PTPRD: variants seen among roughly 807,000 people sequenced by gnomAD.
The protein encoded by PTPRD is receptor-type tyrosine-protein phosphatase delta.
PTPRD carries 34 observed loss-of-function variants against 214.5 expected under a neutral mutation model. The observed-to-expected ratio is 0.16, with a 90% CI of 0.12 to 0.21. The LOEUF (loss-of-function observed/expected upper bound fraction) is 0.21, where lower values mean the gene tolerates loss of function less well. Among genes scored for constraint, PTPRD ranks in the 10% least tolerant of loss-of-function variants. PTPRD has a pLI of 1.00. For synonymous variants in PTPRD, 1,128 were observed against 845.7 expected (o/e 1.33, Z -5.79); for missense variants, 2,545 against 2,398.7 (o/e 1.06, Z -1.27).
chr9:9,003,319 C>T (rs980871914), intron 11 of PTPRD, among the ~76,000 whole-genome samples: 8 of 151,970 alleles, frequency 5.3e-5, no homozygotes, highest in Non-Finnish European at 1.0e-4. Context: ...AAATCCCTAA[C>T]GCTCTGAATA....
chr9:10,345,886 A>G (rs2097069253), intron 2 of PTPRD, among the ~76,000 whole-genome samples: 1 of 152,188 alleles, frequency 6.6e-6, no homozygotes, highest in Non-Finnish European at 1.5e-5. Context: ...CCAACAGTGT[A>G]AAAGCATTCC....
intron 8 of PTPRD, among the ~76,000 whole-genome samples, chr9:9,556,397 C>A (rs892598892): frequency 2.8e-4 from 42 of 151,958 alleles, no homozygotes; most frequent in African/African-American, 1.0e-3. Flanking sequence ...TTTGGTGTAA[C>A]ATTTATTGAA....
At chr9:10,462,348 ACTAT>A (rs2098965222) in intron 2 of PTPRD, among the ~76,000 whole-genome samples, 1 of 152,098 alleles carries the variant, frequency 6.6e-6, no homozygotes, top group South Asian at 2.1e-4. Flanking sequence ...AAATGAGTCT[ACTAT>A]CTATCTCAGT....
At chr9:10,430,548 G>A (rs762541332) in intron 2 of PTPRD, among the ~76,000 whole-genome samples, 3 of 151,826 alleles carry the variant, frequency 2.0e-5, no homozygotes, top group Non-Finnish European at 4.4e-5. Flanking sequence ...GTAAAATTAG[G>A]ACATTCAACA....
chr9:10,009,560 T>A (rs897178044), intron 4 of PTPRD, among the ~76,000 whole-genome samples: 1 of 151,882 alleles, frequency 6.6e-6, no homozygotes, highest in Non-Finnish European at 1.5e-5. Flanking sequence ...AGACCAAGGT[T>A]CTCATTATGT....
At chr9:8,542,360 G>T (rs576065045) in intron 14 of PTPRD, among the ~76,000 whole-genome samples, 1 of 152,288 alleles carries the variant, frequency 6.6e-6, no homozygotes, top group Non-Finnish European at 1.5e-5. Flanking sequence ...GGATAGTACC[G>T]AGATAGCCCT....
At chr9:10,508,511 G>A (rs2046848769) in intron 2 of PTPRD, among the ~76,000 whole-genome samples, 1 of 152,208 alleles carries the variant, frequency 6.6e-6, no homozygotes, top group South Asian at 2.1e-4. Flanking sequence ...GTTTATTGTG[G>A]CACTATTCAC....
chr9:8,653,018 A>C (rs1362004775), intron 12 of PTPRD, among the ~76,000 whole-genome samples: 1 of 152,172 alleles, frequency 6.6e-6, no homozygotes, highest in Non-Finnish European at 1.5e-5. Flanking sequence ...CACTAATTTA[A>C]TGAAAGGAAA....
At chr9:8,534,511 T>C (rs1564136713) in intron 14 of PTPRD, among the ~76,000 whole-genome samples, 1 of 151,872 alleles carries the variant, frequency 6.6e-6, no homozygotes, top group Non-Finnish European at 1.5e-5. Context: ...ACAAGAGTGA[T>C]TTCTTTTCTT....
At chr9:8,877,297 C>T (rs2098402476) in intron 11 of PTPRD, among the ~76,000 whole-genome samples, 1 of 152,146 alleles carries the variant, frequency 6.6e-6, no homozygotes, top group Admixed American at 6.5e-5. Flanking sequence ...ATTCCAAAAA[C>T]TCCAACATGA....
chr9:8,542,306 GA>G, intron 14 of PTPRD, among the ~76,000 whole-genome samples: 1 of 152,012 alleles, frequency 6.6e-6, no homozygotes, highest in East Asian at 1.9e-4. Context: ...ATGCATTGGG[GA>G]AAAGCAAAAA....
chr9:9,542,484 C>G (rs2077826171), intron 8 of PTPRD, among the ~76,000 whole-genome samples: 1 of 151,380 alleles, frequency 6.6e-6, no homozygotes, highest in Non-Finnish European at 1.5e-5. Flanking sequence ...ATTAACAATG[C>G]CAAATCATCA....
intron 2 of PTPRD, among the ~76,000 whole-genome samples, chr9:10,546,662 T>C (rs995673449): frequency 6.6e-6 from 1 of 152,056 alleles, no homozygotes; most frequent in Non-Finnish European, 1.5e-5. Context: ...TCCATTTTTA[T>C]TGAATGTTGC....
intron 8 of PTPRD, among the ~76,000 whole-genome samples, chr9:9,546,639 C>A (rs1591293113): frequency 6.6e-6 from 1 of 151,686 alleles, no homozygotes; most frequent in Middle Eastern, 3.2e-3. Context: ...CAGTAATGCA[C>A]AAATTTAAAA....
chr9:8,529,891 T>C (rs1001632997), intron 14 of PTPRD, among the ~76,000 whole-genome samples: 1 of 152,164 alleles, frequency 6.6e-6, no homozygotes, highest in Non-Finnish European at 1.5e-5. Context: ...GCTGTACCCA[T>C]TAACTCGTGA....
At chr9:8,900,493 T>G (rs2098658878) in intron 11 of PTPRD, among the ~76,000 whole-genome samples, 1 of 152,218 alleles carries the variant, frequency 6.6e-6, no homozygotes, top group African/African-American at 2.4e-5. Context: ...CTGTTCATTT[T>G]CAGAACTACA....
At chr9:9,540,661 T>C (rs543728215) in intron 8 of PTPRD, among the ~76,000 whole-genome samples, 104 of 151,918 alleles carry the variant, frequency 6.8e-4, no homozygotes, top group African/African-American at 2.3e-3. Context: ...AAAATATGTT[T>C]TATTAGTTTA....
chr9:9,042,068 T>C (rs771146155), intron 10 of PTPRD, among the ~76,000 whole-genome samples: 27 of 152,210 alleles, frequency 1.8e-4, no homozygotes, highest in Non-Finnish European at 2.5e-4. Flanking sequence ...ATGCATGGTC[T>C]GGCTATTGTG....
intron 35 of PTPRD, among the ~76,000 whole-genome samples, chr9:8,435,855 C>T (rs2095325252): frequency 6.6e-6 from 1 of 152,120 alleles, no homozygotes; most frequent in South Asian, 2.1e-4. Context: ...AAGCAACTCT[C>T]TGAAAATACA....
Sources: allele counts gnomAD v4.1 joint callset (sites outside exome capture counted in the v4.1 genomes callset), GRCh38; gene constraint gnomAD v4.1.1; transcripts MANE v1.5; gene names NCBI Gene and HGNC (gene_info 2026-07-23, HGNC 2026-07-21).